KRT86: variants seen among roughly 807,000 people sequenced by gnomAD.
KRT86 encodes keratin, type II cuticular Hb6.
In KRT86, 30 loss-of-function variants were observed where a neutral mutation model predicts 41.2. That is an observed-to-expected ratio of 0.73 (90% CI 0.54 to 0.99). The LOEUF is 0.99. KRT86 is among the 50% of genes least tolerant of loss of function. The pLI, the probability that KRT86 is intolerant of heterozygous loss-of-function variation, is 0.00. For missense variants in KRT86, 561 were observed against 571.4 expected (o/e 0.98, Z 0.19); for synonymous variants, 238 against 238.1 (o/e 1.00, Z 0.00).
chr12:52,278,724 A>G (rs1937699029), intron 2 of KRT86, among the ~76,000 whole-genome samples: 2 of 152,040 alleles, frequency 1.3e-5, no homozygotes, highest in South Asian at 4.1e-4. Flanking sequence ...ATCTTATCTT[A>G]TTATCTTATT....
chr12:52,293,361 G>C (rs1297230784), intron 2 of KRT86, among the ~76,000 whole-genome samples: 1 of 152,188 alleles, frequency 6.6e-6, no homozygotes, highest in Non-Finnish European at 1.5e-5. Flanking sequence ...TCTCCCAGCT[G>C]GTAAGTGATG....
chr12:52,288,719 C>T (rs2121244982), intron 2 of KRT86, among the ~76,000 whole-genome samples: 1 of 152,184 alleles, frequency 6.6e-6, no homozygotes, highest in Non-Finnish European at 1.5e-5. Flanking sequence ...TCTCCTGCTC[C>T]AGGAAGCCTG....
intron 2 of KRT86, among the ~76,000 whole-genome samples, chr12:52,288,905 G>C (rs1938055768): frequency 6.6e-6 from 1 of 150,520 alleles, no homozygotes; most frequent in East Asian, 2.0e-4. Flanking sequence ...TCTCTCAGCA[G>C]AGACATTGTA....
Position 52,308,064 on chromosome 12 carries a change from AGACCCTCACGGT to A in KRT86, c.1248-163_1248-152del, listed in dbSNP as rs1380725596. The A allele has an allele frequency of 5.8e-5, 48 of 823,464 alleles. No homozygotes were observed. In the South Asian group the frequency reaches 7.7e-4, roughly 13 times the overall value. The allele number at this position is 823,464 out of a possible 1,614,324, so 51.0% of individuals were successfully genotyped here. A position where few individuals can be genotyped will look rare whatever the true frequency, so the allele number is the denominator to read the frequency against. On this transcript the variant is annotated intron_variant, in intron 9 of 10. Transcript: ENST00000423955. ...AGGCACTCACAGGCCTTCTGTCTCCAGACCCTCACGGTGACCCGAGTCTACACTGGCTCCTGG... is the reference window on the plus strand; with the variant it reads ...AGGCACTCACAGGCCTTCTGTCTCCAGACCCGAGTCTACACTGGCTCCTGG...
At chr12:52,288,298 C>G in intron 2 of KRT86, 1 of 1,610,254 alleles carries the variant, frequency 6.2e-7, no homozygotes, top group Non-Finnish European at 8.5e-7. Flanking sequence ...CTGTCCAACA[C>G]TCCCACCCCC....
At chr12:52,287,242 G>C (rs150886963) in intron 2 of KRT86, 2 of 1,614,050 alleles carry the variant, frequency 1.2e-6, no homozygotes, top group South Asian at 1.1e-5. Context: ...CCTCCAGCTC[G>C]GCCAGCTTGC....
chr12:52,287,305 G>T, intron 2 of KRT86: 1 of 1,613,332 alleles, frequency 6.2e-7, no homozygotes. Context: ...GGGCCACCGC[G>T]GCCTCCAGCT....
At chr12:52,304,886 C>G (rs1212059960) in intron 5 of KRT86, 46 bp from the exon 6 acceptor site, 1 of 1,595,554 alleles carries the variant, frequency 6.3e-7, no homozygotes, top group South Asian at 1.1e-5. Flanking sequence ...AATCTAGAGG[C>G]TGGATCACCA....
In KRT86 at chr12:52,301,953, A is replaced by C. The variant is rs780844187; in HGVS notation, c.37A>C (p.Ser13Arg). 3 of 1,613,774 alleles carry C rather than the reference A, an allele frequency of 1.9e-6. No homozygotes were observed. The African/African-American group carries it at 4.0e-5, about 22-fold the overall frequency. Residue 13 changes from serine (S) to arginine (R), a missense_variant, in exon 3 of 11, where the codon AGC (serine) becomes CGC (arginine). This residue lies in a region of KRT86 where 164 missense variants were observed against 172.5 expected (regional missense o/e 0.95). Transcript: ENST00000423955. ...ATCTTACTGTGGTGGCCGCGCCTTC[A>C]GCTGCATCTCGGCCTGCGGGCCCCG... ...CGSYCGGRAF[S>R]CISACGPRPG...
chr12:52,302,830 T>A (rs189892459), intron 3 of KRT86, among the ~76,000 whole-genome samples: 226 of 112,046 alleles, frequency 2.0e-3, no homozygotes, highest in African/African-American at 7.3e-3. Flanking sequence ...TTCATCTGCT[T>A]GGGTGGGGGG....
In KRT86 at chr12:52,308,568, A is replaced by G; in HGVS notation, c.1444A>G (p.Ser482Gly). 1 of 1,598,724 alleles carries G rather than the reference A, an allele frequency of 6.3e-7. No homozygotes were observed. Among genetic ancestry groups the G allele is most frequent in the Non-Finnish European group, 8.5e-7 (1 of 1,179,686 alleles). The change falls in exon 11 of 11, where the codon AGC becomes GGC. Residue 482 changes from serine to glycine, a missense_variant. Ser to Gly is a moderately conservative substitution (Grantham distance 56). This residue lies in a region of KRT86 where 397 missense variants were observed against 375.9 expected (regional missense o/e 1.06). Coordinates refer to ENST00000423955, the MANE Select transcript of KRT86 (RefSeq NM_001320198.2). The part of the protein sequence containing the change: ...PSARVGVCGG[S>G]CKRC ...CGCCCGGGTTGGCGTCTGCGGCGGC[A>G]GCTGTAAGAGGTGCTAGGAGGCTGC...
intron 2 of KRT86, among the ~76,000 whole-genome samples, chr12:52,296,067 C>T (rs1938242425): frequency 6.6e-6 from 1 of 151,858 alleles, no homozygotes. Context: ...AGAGTAGAGA[C>T]CAGGTGTCGG....
chr12:52,286,971 C>A (rs1016878787), intron 2 of KRT86: 3 of 1,558,864 alleles, frequency 1.9e-6, no homozygotes, highest in Non-Finnish European at 1.8e-6. Flanking sequence ...CACACCAGCC[C>A]TCCCCACACC....
rs75660643 is a variant in KRT86 at position 52,291,406 on chromosome 12, C to T, written c.-4-10507C>T. The T allele has an allele frequency of 8.1e-6, 13 of 1,610,502 alleles. No homozygotes were observed. In the East Asian group the frequency reaches 2.0e-4, roughly 25 times the overall value. Reference sequence around the variant, plus strand: ...CGGTGATGCAGCAGCGGCCGGGCCGCGGCCCGCAGGCCGAGATGCAGCTGA... The same window carrying T: ...CGGTGATGCAGCAGCGGCCGGGCCGTGGCCCGCAGGCCGAGATGCAGCTGA... On this transcript the variant is annotated intron_variant, in intron 2 of 10. Transcript: ENST00000423955.
intron 2 of KRT86, among the ~76,000 whole-genome samples, chr12:52,281,819 G>A (rs1346214980): frequency 1.3e-4 from 20 of 152,146 alleles, no homozygotes; most frequent in Admixed American, 6.5e-5. Context: ...GCTCACTGCA[G>A]CCTCAACCTC....
Position 52,305,294 on chromosome 12 carries a change from G to T in KRT86, c.790G>T (p.Asp264Tyr). ...ISDTSVVVKL[D>Y]NSRDLNMDCI... ...AGACACCTCCGTGGTTGTCAAGCTG[G>T]ACAACAGCCGGGACCTGAACATGGA... is the stretch of plus-strand genomic sequence containing the variant. Residue 264 changes from aspartate to tyrosine, a missense_variant, in exon 7 of 11, where the codon GAC (aspartate) becomes TAC (tyrosine). Physicochemically the swap from Asp to Tyr is radical, Grantham distance 160. This residue lies in a region of KRT86 where 397 missense variants were observed against 375.9 expected (regional missense o/e 1.06). Transcript: ENST00000423955. 2 of 1,614,222 alleles carry T rather than the reference G, an allele frequency of 1.2e-6. No individual in the cohort carries two copies. Among genetic ancestry groups the T allele is most frequent in the Non-Finnish European group, 1.7e-6 (2 of 1,180,044 alleles).
In KRT86 at chr12:52,308,627, A is replaced by C. The variant is rs568421074; in HGVS notation, c.*42A>C. On this transcript the variant is annotated 3_prime_UTR_variant, in exon 11 of 11. Transcript: ENST00000423955. ...CCAGCGCCTGTCGCCGTCACTCTCC[A>C]CCCAGCCAGTACCTCGCGCCACCAG... The C allele has an allele frequency of 3.6e-5, 57 of 1,568,666 alleles. No homozygotes were observed. The highest frequency in any genetic ancestry group is 1.6e-4 in the East Asian group (7 of 43,578).
chr12:52,286,980 C>A, intron 2 of KRT86: 1 of 1,574,678 alleles, frequency 6.4e-7, no homozygotes, highest in Admixed American at 1.8e-5. Context: ...CCTCCCCACA[C>A]CGGAAGTGAA....
chr12:52,302,060 C>T lies in KRT86; in HGVS notation c.144C>T (p.His48=), dbSNP rs771852441. The T allele has an allele frequency of 5.6e-6, 9 of 1,606,144 alleles. No homozygotes were observed. Among genetic ancestry groups the T allele is most frequent in the Non-Finnish European group, 5.1e-6 (6 of 1,176,946 alleles). ...GCCTCACCGGGGGCTTCGGCAGCCA[C>T]AGCGTGTGCGGAGGCTTTCGGGCCG... ...YRGLTGGFGS[H]SVCGGFRAGS... is the part of the protein sequence containing the mutation. Residue 48 remains histidine (H), a synonymous_variant, in exon 3 of 11, where the codon CAC becomes CAT. Coordinates refer to ENST00000423955, the MANE Select transcript of KRT86 (RefSeq NM_001320198.2).
Sources: allele counts gnomAD v4.1 joint callset (sites outside exome capture counted in the v4.1 genomes callset), GRCh38; gene constraint gnomAD v4.1.1; regional missense constraint gnomAD v4.1.1; transcripts MANE v1.5; gene names NCBI Gene and HGNC (gene_info 2026-07-23, HGNC 2026-07-21).